Variants in TMEM62 observed in about 807,000 individuals in gnomAD.
TMEM62 encodes the protein transmembrane protein 62.
TMEM62 carries 41 observed loss-of-function variants against 70.4 expected under a neutral mutation model. The observed-to-expected ratio is 0.58, with a 90% CI of 0.45 to 0.76. The LOEUF (loss-of-function observed/expected upper bound fraction) is 0.76, where lower values mean the gene tolerates loss of function less well. Ranked by LOEUF, TMEM62 falls within the 30% of genes least tolerant of loss-of-function variation. The pLI, the probability that TMEM62 is intolerant of heterozygous loss-of-function variation, is 0.00. For missense variants in TMEM62, 688 were observed against 788.5 expected, an observed-to-expected ratio of 0.87 and a Z score of 1.53; for synonymous variants, 268 against 291.0, an observed-to-expected ratio of 0.92 and a Z score of 0.80.
At chr15:43,142,439 A>G (rs1302171495) in intron 4 of TMEM62, among the ~76,000 whole-genome samples, 1 of 152,070 alleles carries the variant, frequency 6.6e-6, no homozygotes, top group Admixed American at 6.5e-5. Flanking sequence ...CTGGGATTAC[A>G]GGGGTGAGCC....
Position 43,156,450 on chromosome 15 carries a change from C to T in TMEM62, c.1182+1619C>T, listed in dbSNP as rs546196749. Among the ~76,000 whole-genome samples the T allele has an allele frequency of 6.5e-4, 99 of 152,168 alleles. 1 individual carries two copies. The highest frequency in any genetic ancestry group is 2.3e-3 in the African/African-American group (96 of 41,518). On this transcript the variant is annotated intron_variant, in intron 9 of 13. Coordinates refer to ENST00000260403, the MANE Select transcript of TMEM62 (RefSeq NM_024956.4). ...AGAAGGAGAGATAGCTGGGGATGAA[C>T]CCTTAAGGTCTTTCATATTAGAAGA...
At chr15:43,138,423 T>G (rs2035533718) in intron 3 of TMEM62, 151 bp from the exon 4 acceptor site, 15 of 638,400 alleles carry the variant, frequency 2.3e-5, no homozygotes, top group Non-Finnish European at 2.7e-6. Context: ...TCCCACTGTT[T>G]GCTGAATAAT....
In TMEM62 at chr15:43,154,755, C is replaced by G. The variant is rs1354104390; in HGVS notation, c.1106C>G (p.Ser369Cys). 8.1e-6 allele frequency: 13 copies of G among 1,613,994 alleles called. No individual in the cohort carries two copies. Among genetic ancestry groups the G allele is most frequent in the Non-Finnish European group, 1.1e-5 (13 of 1,179,936 alleles). ...GVHLGQAVHVSGPIFVLKWNP... is the reference protein window; with the variant it reads ...GVHLGQAVHVCGPIFVLKWNP... ...CATTTAGGCCAGGCTGTTCATGTGT[C>G]TGGTCCCATTTTCGTACTGAAGTGG... The change falls in exon 9 of 14, where the codon TCT (serine) becomes TGT (cysteine). Residue 369 changes from serine to cysteine, a missense_variant. Transcript: ENST00000260403.
At chr15:43,166,243 GTTTTC>G (rs1567220664) in intron 10 of TMEM62, among the ~76,000 whole-genome samples, 1 of 152,156 alleles carries the variant, frequency 6.6e-6, no homozygotes, top group African/African-American at 2.4e-5. Context: ...AGAGTCTTTT[GTTTTC>G]TTTTCTTTTT....
chr15:43,140,849 G>A (rs191282966), intron 4 of TMEM62, among the ~76,000 whole-genome samples: 6 of 152,266 alleles, frequency 3.9e-5, no homozygotes, highest in East Asian at 1.9e-4. Context: ...ATCCAAACCC[G>A]CGCCCGGCTT....
intron 10 of TMEM62, among the ~76,000 whole-genome samples, chr15:43,163,733 G>A (rs1281673411): frequency 6.6e-6 from 1 of 151,608 alleles, no homozygotes; most frequent in South Asian, 2.1e-4. Flanking sequence ...AGTGAGCCAA[G>A]ATCATGCCAC....
rs545670380 is a variant in TMEM62 at position 43,176,834 on chromosome 15, G to A, written c.1382-1773G>A. Among the ~76,000 whole-genome samples the A allele has an allele frequency of 9.2e-3, 1,393 of 152,170 alleles. 41 individuals are homozygous for A. Among genetic ancestry groups the A allele is most frequent in the African/African-American group, 0.032 (1,330 of 41,444 alleles). Reference sequence around the variant, plus strand: ...CACCAGCAATGGAACAAAGCTGGACGGAGAATGACTTTGACAAGTTGAGAG... The same window carrying A: ...CACCAGCAATGGAACAAAGCTGGACAGAGAATGACTTTGACAAGTTGAGAG... On this transcript the variant is annotated intron_variant, in intron 11 of 13. Transcript: ENST00000260403.
Position 43,151,855 on chromosome 15 carries a change from C to CT in TMEM62, c.933dup (p.Val312CysfsTer8), listed in dbSNP as rs2037432662. 12 of 1,613,878 alleles carry CT rather than the reference C, an allele frequency of 7.4e-6. No individual in the cohort carries two copies. Among genetic ancestry groups the CT allele is most frequent in the Non-Finnish European group, 9.3e-6 (11 of 1,179,960 alleles). On this transcript the variant is annotated frameshift_variant, in exon 8 of 14. Coordinates refer to ENST00000260403, the MANE Select transcript of TMEM62 (RefSeq NM_024956.4). LOFTEE classifies it high-confidence loss of function. ...GCAGATTTGATCTTTGGGAAGTGGC[C>CT]TGTGGTTCTTATCACCAATCCTAAA...
chr15:43,160,891 T>G (rs1259050818), intron 10 of TMEM62, 97 bp downstream of exon 10: 2 of 585,890 alleles, frequency 3.4e-6, no homozygotes, highest in South Asian at 4.0e-5. Context: ...TTCCATGGTT[T>G]CAGTTACCGA....
chr15:43,166,711 A>G (rs1217073633), intron 10 of TMEM62, among the ~76,000 whole-genome samples: 3 of 152,166 alleles, frequency 2.0e-5, no homozygotes, highest in Non-Finnish European at 4.4e-5. Flanking sequence ...GGCCTTCCGC[A>G]GTTTTTGTGT....
At chr15:43,176,768 A>G (rs1472464918) in intron 11 of TMEM62, among the ~76,000 whole-genome samples, 15 of 152,088 alleles carry the variant, frequency 9.9e-5, no homozygotes, top group Non-Finnish European at 1.9e-4. Context: ...AAAACTCTAA[A>G]AAGCAGAGCG....
At chr15:43,174,525 C>G (rs1207862863) in intron 11 of TMEM62, among the ~76,000 whole-genome samples, 2 of 152,180 alleles carry the variant, frequency 1.3e-5, no homozygotes, top group East Asian at 1.9e-4. Flanking sequence ...TATGGGGGCT[C>G]TCAATATTTT....
At position 43,156,035 on chromosome 15, in the gene TMEM62, A is replaced by AACAC. The variant is rs201926090; in HGVS notation, c.1182+1223_1182+1226dup. Among the ~76,000 whole-genome samples, 747 of 149,880 alleles carry AACAC rather than the reference A, an allele frequency of 5.0e-3. 4 individuals are homozygous for AACAC. The highest frequency in any genetic ancestry group is 0.016 in the African/African-American group (644 of 40,958). ...GCTGTGCTCAGAAATTAGTTTCTTA[A>AACAC]ACACACACACACACACACACACCTG... On this transcript the variant is annotated intron_variant, in intron 9 of 13. Coordinates refer to ENST00000260403, the MANE Select transcript of TMEM62 (RefSeq NM_024956.4).
At position 43,177,227 on chromosome 15, in the gene TMEM62, G is replaced by A. The variant is rs145179160; in HGVS notation, c.1382-1380G>A. ...TGCTATGTGAAAAGAAGACACTTATGCAGCCAAAAAACACATGAAAAAATA... is the reference window on the plus strand; with the variant it reads ...TGCTATGTGAAAAGAAGACACTTATACAGCCAAAAAACACATGAAAAAATA... On this transcript the variant is annotated intron_variant, in intron 11 of 13. Coordinates refer to ENST00000260403, the MANE Select transcript of TMEM62 (RefSeq NM_024956.4). 1.3e-3 allele frequency among the ~76,000 whole-genome samples: 197 copies of A among 152,186 alleles called. 2 individuals carry two copies. Among genetic ancestry groups the A allele is most frequent in the African/African-American group, 4.7e-3 (193 of 41,444 alleles).
intron 7 of TMEM62, among the ~76,000 whole-genome samples, chr15:43,150,323 C>T (rs1013489920): frequency 7.9e-5 from 12 of 152,278 alleles, no homozygotes; most frequent in Non-Finnish European, 1.3e-4. Flanking sequence ...GTGAGATAGT[C>T]TTACTAAGCC....
intron 11 of TMEM62, chr15:43,169,879 A>G (rs1596327833): frequency 2.0e-6 from 1 of 502,132 alleles, no homozygotes; most frequent in Non-Finnish European, 3.5e-6. Context: ...GGCAGGGGTT[A>G]TAGGAAAAGA....
chr15:43,176,677 CCATCTGTA>C (rs1256194542), intron 11 of TMEM62, among the ~76,000 whole-genome samples: 1 of 151,944 alleles, frequency 6.6e-6, no homozygotes, highest in Non-Finnish European at 1.5e-5. Flanking sequence ...CACCAAAAAC[CCATCTGTA>C]CATCACCATC....
chr15:43,176,687 A>G (rs1207964187), intron 11 of TMEM62, among the ~76,000 whole-genome samples: 1 of 152,010 alleles, frequency 6.6e-6, no homozygotes, highest in East Asian at 1.9e-4. Flanking sequence ...CCATCTGTAC[A>G]TCACCATCAT....
intron 10 of TMEM62, among the ~76,000 whole-genome samples, chr15:43,168,796 T>C (rs2039877595): frequency 6.6e-6 from 1 of 152,202 alleles, no homozygotes; most frequent in Admixed American, 6.5e-5. Flanking sequence ...GCCCAAGGAC[T>C]GCAGTCCTTG....
Sources: allele counts gnomAD v4.1 joint callset (sites outside exome capture counted in the v4.1 genomes callset), GRCh38; gene constraint gnomAD v4.1.1; transcripts MANE v1.5; gene names NCBI Gene and HGNC (gene_info 2026-07-23, HGNC 2026-07-21).